Variants in ASAP2 observed in about 807,000 individuals in gnomAD.
ASAP2 encodes ArfGAP with SH3 domain, ankyrin repeat and PH domain 2, also known as arf-GAP with SH3 domain, ANK repeat and PH domain-containing protein 2.
ASAP2 carries 45 observed loss-of-function variants against 131.4 expected under a neutral mutation model. The ratio of observed to expected loss-of-function variants is 0.34; its 90% CI spans 0.27 to 0.44. The LOEUF (loss-of-function observed/expected upper bound fraction) is 0.44, where lower values mean the gene tolerates loss of function less well. Among genes scored for constraint, ASAP2 ranks in the 20% least tolerant of loss-of-function variants. The probability of loss-of-function intolerance (pLI) is 1.00; values close to 1 mark genes in which losing one functional copy is unlikely to be tolerated. For synonymous variants in ASAP2, 510 were observed against 503.0 expected (o/e 1.01, Z -0.19); for missense variants, 1,011 against 1,297.0 (o/e 0.78, Z 3.39).
At chr2:9,307,549 A>C (rs1326198710) in intron 3 of ASAP2, among the ~76,000 whole-genome samples, 1 of 152,222 alleles carries the variant, frequency 6.6e-6, no homozygotes, top group Non-Finnish European at 1.5e-5. Flanking sequence ...CGGCTCCCAG[A>C]ACCGGCCTTC....
Position 9,323,269 on chromosome 2 carries a change from CAGGTCCT to C in ASAP2, c.600+21_600+27del, listed in dbSNP as rs1346219667. On this transcript the variant is annotated intron_variant, in intron 6 of 27. Coordinates refer to ENST00000281419, the MANE Select transcript of ASAP2 (RefSeq NM_003887.3). ...GTGCGAGGTAAGGCGGTGGTGAAGG[CAGGTCCT>C]ACAGCCCAGGCTGTGCCGGCTCTGC... 6.2e-7 allele frequency: 1 copy of C among 1,613,732 alleles called. No homozygotes were observed. Among genetic ancestry groups the C allele is most frequent in the East Asian group, 2.2e-5 (1 of 44,868 alleles).
chr2:9,361,919 T>G (rs1237905728), intron 15 of ASAP2, among the ~76,000 whole-genome samples: 1 of 152,042 alleles, frequency 6.6e-6, no homozygotes, highest in Non-Finnish European at 1.5e-5. Context: ...AATCAGGTAC[T>G]GGGATGAAGG....
chr2:9,281,428 A>C lies in ASAP2; in HGVS notation c.199+2039A>C, dbSNP rs1254236403. ...AAGGCGCTAGTGCTTCGGTGTCAGG[A>C]AGCTGGCCTGCAGGAATTTAACAGC... On this transcript the variant is annotated intron_variant, in intron 2 of 27. Transcript: ENST00000281419. The surrounding 1 kb of genome is among the most constrained non-coding windows in gnomAD (Gnocchi z 4.0). Among the ~76,000 whole-genome samples the C allele has an allele frequency of 1.3e-5, 2 of 152,166 alleles. No homozygotes were observed. The highest frequency in any genetic ancestry group is 1.3e-4 in the Admixed American group (2 of 15,266).
In ASAP2 at chr2:9,365,106, T is replaced by A. The variant is rs139927188; in HGVS notation, c.1462-3319T>A. 3.8e-3 allele frequency among the ~76,000 whole-genome samples: 577 copies of A among 152,340 alleles called. 5 individuals are homozygous for A. Among genetic ancestry groups the A allele is most frequent in the African/African-American group, 0.013 (532 of 41,580 alleles). ...CTACACTTACTAAGAAATACATACT[T>A]TGTAAACTACATCAAAAATAGAGCT... On this transcript the variant is annotated intron_variant, in intron 15 of 27. Transcript: ENST00000281419.
chr2:9,385,189 C>G (rs983984631), intron 20 of ASAP2, 56 bp from the exon 21 acceptor site: 8 of 1,364,336 alleles, frequency 5.9e-6, no homozygotes, highest in Non-Finnish European at 8.4e-6. Flanking sequence ...TCAGTGGGTC[C>G]AGATGCATGG....
chr2:9,224,963 G>T (rs1200715733), intron 1 of ASAP2, among the ~76,000 whole-genome samples: 1 of 152,194 alleles, frequency 6.6e-6, no homozygotes, highest in Non-Finnish European at 1.5e-5. Flanking sequence ...CCAAAGGAGG[G>T]CATGGGAGGG....
intron 1 of ASAP2, among the ~76,000 whole-genome samples, chr2:9,251,354 C>T (rs1049401532): frequency 6.6e-5 from 10 of 152,086 alleles, no homozygotes; most frequent in African/African-American, 2.2e-4. Context: ...TTGGTACTCA[C>T]GTGTAACAGC....
chr2:9,387,897 GGA>G (rs1277056514), intron 21 of ASAP2, among the ~76,000 whole-genome samples: 1 of 152,194 alleles, frequency 6.6e-6, no homozygotes, highest in Non-Finnish European at 1.5e-5. Flanking sequence ...CAGGGTGGCA[GGA>G]GAGAGAGCAA....
intron 3 of ASAP2, among the ~76,000 whole-genome samples, chr2:9,314,198 G>T (rs567738197): frequency 6.6e-6 from 1 of 152,192 alleles, no homozygotes; most frequent in Admixed American, 6.5e-5. Context: ...TGGTCAGGCT[G>T]GTCTCGAACT....
chr2:9,207,979 C>T lies in ASAP2; in HGVS notation c.126+749C>T, dbSNP rs527539749. Among the ~76,000 whole-genome samples, 2 of 152,320 alleles carry T rather than the reference C, an allele frequency of 1.3e-5. No homozygotes were observed. Among genetic ancestry groups the T allele is most frequent in the African/African-American group, 4.8e-5 (2 of 41,574 alleles). ...ACGCCTAGCTGCTAAGCAGTACGCT[C>T]TCCAGGTCCTGGGGAGAGGAACACG... On this transcript the variant is annotated intron_variant, in intron 1 of 27. Coordinates refer to ENST00000281419, the MANE Select transcript of ASAP2 (RefSeq NM_003887.3). The surrounding 1 kb of genome is among the most constrained non-coding windows in gnomAD (Gnocchi z 4.1).
intron 24 of ASAP2, among the ~76,000 whole-genome samples, chr2:9,395,401 G>T (rs186527838): frequency 6.6e-5 from 10 of 152,056 alleles, no homozygotes; most frequent in Non-Finnish European, 1.5e-4. Flanking sequence ...CTTGAACCCA[G>T]GAGGCGGAGG....
chr2:9,369,009 C>T (rs1462667001), intron 16 of ASAP2, among the ~76,000 whole-genome samples: 1 of 149,852 alleles, frequency 6.7e-6, no homozygotes, highest in Non-Finnish European at 1.5e-5. Flanking sequence ...CACAACTTGA[C>T]GGAGAAGCTT....
At chr2:9,270,829 G>A (rs532546814) in intron 1 of ASAP2, among the ~76,000 whole-genome samples, 1 of 98,076 alleles carries the variant, frequency 1.0e-5, no homozygotes, top group Non-Finnish European at 1.9e-5. Flanking sequence ...GTCTCGCTCC[G>A]TCGCCCAGGC....
intron 1 of ASAP2, among the ~76,000 whole-genome samples, chr2:9,237,177 T>TAAA (rs35027390): frequency 6.8e-6 from 1 of 147,670 alleles, no homozygotes; most frequent in Admixed American, 6.7e-5. Context: ...AAAAGAGAGT[T>TAAA]AAAAAAAAAA....
intron 1 of ASAP2, among the ~76,000 whole-genome samples, chr2:9,215,765 G>T (rs1661977144): frequency 6.7e-6 from 1 of 149,638 alleles, no homozygotes; most frequent in Non-Finnish European, 1.5e-5. Context: ...GCCATGAATT[G>T]GTTCTAAGAG....
intron 1 of ASAP2, among the ~76,000 whole-genome samples, chr2:9,210,221 T>G (rs981802529): frequency 2.0e-5 from 3 of 152,252 alleles, no homozygotes; most frequent in Middle Eastern, 3.2e-3. Flanking sequence ...AAATTACTCC[T>G]TTGTCAGATT....
Position 9,212,188 on chromosome 2 carries a change from A to G in ASAP2, c.126+4958A>G, listed in dbSNP as rs114810299. Among the ~76,000 whole-genome samples the G allele has an allele frequency of 2.8e-3, 428 of 152,314 alleles. 4 individuals carry two copies. Among genetic ancestry groups the G allele is most frequent in the African/African-American group, 9.8e-3 (408 of 41,560 alleles). ...GGGCTGTGTGTGAGGTGGCAGGAAT[A>G]GAACACCAAGAAGAATATGTCCTCT... On this transcript the variant is annotated intron_variant, in intron 1 of 27. Transcript: ENST00000281419.
chr2:9,327,208 A>T (rs1005684601), intron 6 of ASAP2, among the ~76,000 whole-genome samples: 3 of 151,506 alleles, frequency 2.0e-5, no homozygotes, highest in African/African-American at 7.3e-5. Context: ...CATTTCAGAG[A>T]TCATCTTCTG....
At chr2:9,390,754 G>A (rs1456220608) in intron 22 of ASAP2, among the ~76,000 whole-genome samples, 1 of 152,218 alleles carries the variant, frequency 6.6e-6, no homozygotes, top group Admixed American at 6.5e-5. Flanking sequence ...AGAGAACATT[G>A]TGACTGTTTA....
Sources: allele counts gnomAD v4.1 joint callset (sites outside exome capture counted in the v4.1 genomes callset), GRCh38; gene constraint gnomAD v4.1.1; non-coding constraint Gnocchi (gnomAD v3.1); transcripts MANE v1.5; gene names NCBI Gene and HGNC (gene_info 2026-07-23, HGNC 2026-07-21).